Variants in ONECUT1 observed in about 807,000 individuals in gnomAD.
ONECUT1 encodes hepatocyte nuclear factor 6.
Under a neutral mutation model 25.6 loss-of-function variants are expected in ONECUT1, and 12 were observed. The ratio of observed to expected loss-of-function variants is 0.47; its 90% CI spans 0.30 to 0.76. The LOEUF (loss-of-function observed/expected upper bound fraction) is 0.76. Ranked by LOEUF, ONECUT1 falls within the 30% of genes least tolerant of loss-of-function variation. ONECUT1 has a pLI of 0.07. For synonymous variants in ONECUT1, 285 were observed against 270.2 expected, an observed-to-expected ratio of 1.05 and a Z score of -0.54; for missense variants, 620 against 651.2, an observed-to-expected ratio of 0.95 and a Z score of 0.52.
At chr15:52,770,977 G>C (rs1457561191) in intron 1 of ONECUT1, among the ~76,000 whole-genome samples, 2 of 152,030 alleles carry the variant, frequency 1.3e-5, no homozygotes, top group African/African-American at 4.8e-5. Context: ...ACTTTTGATG[G>C]GAACATCAAT....
rs776519710 is a variant in ONECUT1 at position 52,789,896 on chromosome 15, C to G, written c.-12G>C. The stretch of plus-strand genomic sequence containing the variant: ...AGCTGCGCGTTCATCGTGATCCGGG[C>G]GAGCAGGCGGCGGACACAACATCGA... On this transcript the variant is annotated 5_prime_UTR_variant, in exon 1 of 2. Coordinates refer to ENST00000305901, the MANE Select transcript of ONECUT1 (RefSeq NM_004498.4). This position sits in a 1 kb window ranked among gnomAD's most constrained non-coding sequence, Gnocchi z 4.1. 4 of 1,520,748 alleles carry G rather than the reference C, an allele frequency of 2.6e-6. No homozygotes were observed. The South Asian group carries it at 3.7e-5, about 14-fold the overall frequency. 94.2% of individuals were successfully genotyped at this position (1,520,748 alleles called of 1,614,324 possible).
chr15:52,779,955 G>C (rs148267233), intron 1 of ONECUT1, among the ~76,000 whole-genome samples: 22 of 152,286 alleles, frequency 1.4e-4, no homozygotes, highest in African/African-American at 4.6e-4. Context: ...GGAGGAAAAG[G>C]AGTGCTTCCT....
Position 52,789,174 on chromosome 15 carries a change from G to A in ONECUT1, c.711C>T (p.Thr237=), listed in dbSNP as rs2083898531. 2.5e-6 allele frequency: 4 copies of A among 1,587,332 alleles called. No individual in the cohort carries two copies. Among genetic ancestry groups the A allele is most frequent in the South Asian group, 1.1e-5 (1 of 89,196 alleles). The change falls in exon 1 of 2, where the codon ACC becomes ACT. Residue 237 remains threonine, a synonymous_variant. Transcript: ENST00000305901. This position sits in a 1 kb window ranked among gnomAD's most constrained non-coding sequence, Gnocchi z 4.1. Reference sequence around the variant, plus strand: ...CGTTGATGGGCACCATGCCGGCCGAGGTGGGCGTGAGGTGCTGCTCCCCGT... The same window carrying A: ...CGTTGATGGGCACCATGCCGGCCGAAGTGGGCGTGAGGTGCTGCTCCCCGT... The part of the protein sequence containing the change: ...GRHGEQHLTP[T]SAGMVPINGL...
intron 1 of ONECUT1, among the ~76,000 whole-genome samples, chr15:52,759,921 G>T (rs1475208780): frequency 2.0e-5 from 3 of 151,982 alleles, no homozygotes; most frequent in African/African-American, 4.8e-5. Context: ...TTTTTAAAGG[G>T]ATACAATAAA....
At chr15:52,780,838 T>A (rs1180688492) in intron 1 of ONECUT1, 2 of 1,331,268 alleles carry the variant, frequency 1.5e-6, no homozygotes, top group Non-Finnish European at 1.9e-6. Context: ...CATCACCAGA[T>A]GTGAAAACGA....
chr15:52,760,944 C>T (rs2083702307), intron 1 of ONECUT1, among the ~76,000 whole-genome samples: 1 of 149,270 alleles, frequency 6.7e-6, no homozygotes, highest in African/African-American at 2.5e-5. Flanking sequence ...TGCACTTGTT[C>T]CTCCAGCTGC....
chr15:52,759,314 C>A (rs1566988192), intron 1 of ONECUT1, among the ~76,000 whole-genome samples: 1 of 152,184 alleles, frequency 6.6e-6, no homozygotes, highest in Admixed American at 6.5e-5. Flanking sequence ...GCCTGCCCCT[C>A]CCTTTCATTT....
chr15:52,789,483 G>A lies in ONECUT1; in HGVS notation c.402C>T (p.His134=), dbSNP rs2083903031. Residue 134 remains histidine, a synonymous_variant, in exon 1 of 2, where the codon CAC becomes CAT. Coordinates refer to ENST00000305901, the MANE Select transcript of ONECUT1 (RefSeq NM_004498.4). This position sits in a 1 kb window ranked among gnomAD's most constrained non-coding sequence, Gnocchi z 4.1. ...HHHHHHHHHH[H]PHHHQRLAGN... is the part of the protein sequence containing the mutation. ...CCGCCAGGCGCTGGTGGTGGTGCGG[G>A]TGGTGGTGGTGATGGTGGTGGTGGT... The A allele has an allele frequency of 6.2e-7, 1 of 1,612,224 alleles. No homozygotes were observed. Among genetic ancestry groups the A allele is most frequent in the Non-Finnish European group, 8.5e-7 (1 of 1,179,360 alleles).
intron 1 of ONECUT1, among the ~76,000 whole-genome samples, chr15:52,767,777 T>G (rs73411650): frequency 0.013 from 1,972 of 152,270 alleles, 44 homozygotes; most frequent in African/African-American, 0.045. Flanking sequence ...AGGCAAGATG[T>G]GGCATCAATC....
rs2083907570 is a variant in ONECUT1, at chr15:52,789,813, A to G, written c.72T>C (p.Pro24=). ...HGVSHEPVPA[P]ADLLGGSPHA... is the part of the protein sequence containing the mutation. ...GGGGGCTGCCGCCCAGCAGGTCGGC[A>G]GGGGCGGGCACCGGCTCATGGCTCA... is the stretch of plus-strand genomic sequence containing the variant. Residue 24 remains proline, a synonymous_variant, in exon 1 of 2, where the codon CCT becomes CCC. Transcript: ENST00000305901. The surrounding 1 kb of genome is among the most constrained non-coding windows in gnomAD (Gnocchi z 4.1). The G allele has an allele frequency of 2.0e-6, 3 of 1,519,432 alleles. No individual in the cohort carries two copies. The Admixed American group carries it at 6.3e-5, about 32-fold the overall frequency. 94.1% of individuals were successfully genotyped at this position (1,519,432 alleles called of 1,614,324 possible). A position where few individuals can be genotyped will look rare whatever the true frequency, so the allele number is the denominator to read the frequency against.
In ONECUT1 at chr15:52,770,466, ACAAGCTCC is replaced by A. The variant is rs544230203; in HGVS notation, c.1106-12627_1106-12620del. Among the ~76,000 whole-genome samples, 26 of 152,340 alleles carry A rather than the reference ACAAGCTCC, an allele frequency of 1.7e-4. No homozygotes were observed. In the East Asian group the frequency reaches 5.0e-3, roughly 29 times the overall value. Reference sequence around the variant, plus strand: ...TAGACTCTGAGATTCTGACCATCTAACAAGCTCCCAGGTGATGTCTAGCTGCTGGTCCG... The same window carrying A: ...TAGACTCTGAGATTCTGACCATCTAACAGGTGATGTCTAGCTGCTGGTCCG... On this transcript the variant is annotated intron_variant, in intron 1 of 1. Coordinates refer to ENST00000305901, the MANE Select transcript of ONECUT1 (RefSeq NM_004498.4).
chr15:52,760,778 G>A (rs2083701455), intron 1 of ONECUT1, among the ~76,000 whole-genome samples: 1 of 152,126 alleles, frequency 6.6e-6, no homozygotes, highest in Admixed American at 6.5e-5. Flanking sequence ...GAGGAGGTAG[G>A]GGGAGGCATG....
At chr15:52,782,136 T>C (rs926077912) in intron 1 of ONECUT1, among the ~76,000 whole-genome samples, 1 of 152,226 alleles carries the variant, frequency 6.6e-6, no homozygotes, top group African/African-American at 2.4e-5. Flanking sequence ...GCTGCACAGA[T>C]CAACCCATCA....
In ONECUT1 at chr15:52,789,947, G is replaced by A. The variant is rs2083909282; in HGVS notation, c.-63C>T. The A allele has an allele frequency of 1.4e-6, 2 of 1,466,182 alleles. No individual in the cohort carries two copies. The highest frequency in any genetic ancestry group is 1.8e-6 in the Non-Finnish European group (2 of 1,117,640). 90.8% of individuals were successfully genotyped at this position (1,466,182 alleles called of 1,614,324 possible). On this transcript the variant is annotated 5_prime_UTR_variant, in exon 1 of 2. Transcript: ENST00000305901. The surrounding 1 kb of genome is among the most constrained non-coding windows in gnomAD (Gnocchi z 4.1). ...TGTGGCCAGGCAGAGGCGGCGAGGGGCGCACGGAGTCCGGTCTTCACATCG... is the reference window on the plus strand; with the variant it reads ...TGTGGCCAGGCAGAGGCGGCGAGGGACGCACGGAGTCCGGTCTTCACATCG...
At chr15:52,768,959 T>C (rs2440327) in intron 1 of ONECUT1, among the ~76,000 whole-genome samples, 98,349 of 152,010 alleles carry the variant, frequency 0.65, 31,950 homozygotes, top group East Asian at 0.78. Flanking sequence ...CCCATGTCAC[T>C]TCCTACTACT....
At chr15:52,779,935 G>A (rs1050168159) in intron 1 of ONECUT1, among the ~76,000 whole-genome samples, 2 of 152,202 alleles carry the variant, frequency 1.3e-5, no homozygotes, top group African/African-American at 4.8e-5. Context: ...GACAGTAAAT[G>A]TGGAGCTGGG....
At chr15:52,773,862 A>G (rs1167150894) in intron 1 of ONECUT1, among the ~76,000 whole-genome samples, 1 of 152,206 alleles carries the variant, frequency 6.6e-6, no homozygotes, top group Non-Finnish European at 1.5e-5. Flanking sequence ...GTCCACTCCA[A>G]TCATAAATGG....
At chr15:52,773,925 G>A (rs1298693766) in intron 1 of ONECUT1, among the ~76,000 whole-genome samples, 1 of 152,184 alleles carries the variant, frequency 6.6e-6, no homozygotes, top group Non-Finnish European at 1.5e-5. Context: ...CTATCTATAT[G>A]TTGAATAAAT....
chr15:52,789,985 T>G lies in ONECUT1; in HGVS notation c.-101A>C, dbSNP rs1029405970. 3 of 1,415,624 alleles carry G rather than the reference T, an allele frequency of 2.1e-6. No homozygotes were observed. In the South Asian group the frequency reaches 4.8e-5, roughly 22 times the overall value. The allele number at this position is 1,415,624 out of a possible 1,614,324, so 87.7% of individuals were successfully genotyped here. ...GGTCTTCACATCGGCTGCTGGCGACTGTTGCCTTCCTTCCTCTCACTGTGG... is the reference window on the plus strand; with the variant it reads ...GGTCTTCACATCGGCTGCTGGCGACGGTTGCCTTCCTTCCTCTCACTGTGG... On this transcript the variant is annotated 5_prime_UTR_variant, in exon 1 of 2. Transcript: ENST00000305901. This position sits in a 1 kb window ranked among gnomAD's most constrained non-coding sequence, Gnocchi z 4.1.
Sources: allele counts gnomAD v4.1 joint callset (sites outside exome capture counted in the v4.1 genomes callset), GRCh38; gene constraint gnomAD v4.1.1; non-coding constraint Gnocchi (gnomAD v3.1); transcripts MANE v1.5; gene names NCBI Gene and HGNC (gene_info 2026-07-23, HGNC 2026-07-21).